The following WDR70 variants were observed in gnomAD, a reference collection of about 807,000 sequenced individuals.
WDR70 encodes WD repeat domain 70, also known as WD repeat-containing protein 70.
WDR70 carries 53 observed loss-of-function variants against 88.6 expected under a neutral mutation model. The ratio of observed to expected loss-of-function variants is 0.60; its 90% confidence interval spans 0.48 to 0.75. The LOEUF (loss-of-function observed/expected upper bound fraction) is 0.75, where lower values mean the gene tolerates loss of function less well. WDR70 is among the 30% of genes least tolerant of loss of function. The pLI, the probability that WDR70 is intolerant of heterozygous loss-of-function variation, is 0.00. For missense variants in WDR70, 610 were observed against 823.2 expected (o/e 0.74, Z 3.17); for synonymous variants, 280 against 270.0 (o/e 1.04, Z -0.36).
rs556703483 is a variant in WDR70, at chr5:37,391,932, C to T, written c.176-68C>T. On this transcript the variant is annotated intron_variant, in intron 3 of 17. Transcript: ENST00000265107. Reference sequence around the variant, plus strand: ...GTGACTATGTTAATTTTTAGCCTTTCTAATACTAACATATTTTGAATTGTA... The same window carrying T: ...GTGACTATGTTAATTTTTAGCCTTTTTAATACTAACATATTTTGAATTGTA... The T allele has an allele frequency of 4.6e-5, 70 of 1,519,020 alleles. No individual in the cohort carries two copies. The South Asian group carries it at 6.0e-4, about 13-fold the overall frequency. 94.1% of individuals were successfully genotyped at this position (1,519,020 alleles called of 1,614,324 possible). A position where few individuals can be genotyped will look rare whatever the true frequency, so the allele number is the denominator to read the frequency against.
At chr5:37,730,665 A>C (rs1748120336) in intron 17 of WDR70, among the ~76,000 whole-genome samples, 1 of 152,210 alleles carries the variant, frequency 6.6e-6, no homozygotes, top group African/African-American at 2.4e-5. Flanking sequence ...ATAGACTTAC[A>C]GACGTGTATT....
At chr5:37,425,668 CT>C (rs1165274599) in intron 5 of WDR70, among the ~76,000 whole-genome samples, 1 of 151,802 alleles carries the variant, frequency 6.6e-6, no homozygotes, top group Non-Finnish European at 1.5e-5. Context: ...TGTTTTTTTT[CT>C]TTTTTCCCCC....
intron 5 of WDR70, among the ~76,000 whole-genome samples, chr5:37,411,428 AAT>A (rs1749518157): frequency 6.6e-6 from 1 of 152,190 alleles, no homozygotes; most frequent in Non-Finnish European, 1.5e-5. Context: ...ACTGTTTACA[AAT>A]GATTTTTTTT....
intron 17 of WDR70, among the ~76,000 whole-genome samples, chr5:37,738,917 G>A (rs947227199): frequency 6.6e-6 from 1 of 152,166 alleles, no homozygotes; most frequent in African/African-American, 2.4e-5. Flanking sequence ...CAAATGCAGA[G>A]TTACCGAAGC....
rs1430057120 is a variant in WDR70, at chr5:37,626,377, G to C, written c.1092+21139G>C. Among the ~76,000 whole-genome samples the C allele has an allele frequency of 1.3e-5, 2 of 152,052 alleles. 1 individual carries two copies. The highest frequency in any genetic ancestry group is 2.9e-5 in the Non-Finnish European group (2 of 68,006). On this transcript the variant is annotated intron_variant, in intron 10 of 17. Transcript: ENST00000265107. ...CTACATCTATTGAGATCATCTTGTG[G>C]TTTTCATCCTTCTTTCTGTTGATGT...
At chr5:37,381,737 T>G in intron 3 of WDR70, 52 bp downstream of exon 3, 1 of 1,543,130 alleles carries the variant, frequency 6.5e-7, no homozygotes, top group Non-Finnish European at 8.9e-7. Flanking sequence ...TATGTATACC[T>G]CATGCAAGTA....
intron 10 of WDR70, among the ~76,000 whole-genome samples, chr5:37,630,963 G>C (rs1181077102): frequency 1.3e-5 from 2 of 152,324 alleles, no homozygotes; most frequent in East Asian, 3.9e-4. Flanking sequence ...GGATTCTTCT[G>C]TTTGAAGGAC....
chr5:37,564,094 C>CAG (rs1742652972), intron 9 of WDR70, among the ~76,000 whole-genome samples: 1 of 150,192 alleles, frequency 6.7e-6, no homozygotes, highest in Admixed American at 6.6e-5. Context: ...GGCGGCCAGG[C>CAG]AGAGACGCTC....
intron 10 of WDR70, among the ~76,000 whole-genome samples, chr5:37,680,324 A>G (rs1198115738): frequency 6.6e-6 from 1 of 152,102 alleles, no homozygotes; most frequent in Non-Finnish European, 1.5e-5. Flanking sequence ...ATAGATTGTA[A>G]AACATTTCTC....
At chr5:37,503,451 GT>G (rs1019058452) in intron 8 of WDR70, among the ~76,000 whole-genome samples, 26 of 152,100 alleles carry the variant, frequency 1.7e-4, no homozygotes, top group African/African-American at 6.3e-4. Flanking sequence ...CCCAGTTTGT[GT>G]TCTTCCCCTC....
intron 9 of WDR70, among the ~76,000 whole-genome samples, chr5:37,531,469 T>A (rs183239050): frequency 5.3e-5 from 8 of 152,238 alleles, no homozygotes; most frequent in African/African-American, 1.4e-4. Context: ...GTTAGATATA[T>A]GCATACATAC....
chr5:37,477,868 A>G (rs1265681752), intron 7 of WDR70, among the ~76,000 whole-genome samples: 3 of 152,178 alleles, frequency 2.0e-5, no homozygotes, highest in Non-Finnish European at 4.4e-5. Flanking sequence ...GATTGAGTTA[A>G]TGTGATATTT....
At chr5:37,597,885 G>C (rs979794798) in intron 9 of WDR70, among the ~76,000 whole-genome samples, 1 of 152,198 alleles carries the variant, frequency 6.6e-6, no homozygotes, top group African/African-American at 2.4e-5. Context: ...TATATTTAGG[G>C]ATTGTATTTA....
chr5:37,545,970 A>T (rs951848423), intron 9 of WDR70, among the ~76,000 whole-genome samples: 1 of 152,210 alleles, frequency 6.6e-6, no homozygotes, highest in African/African-American at 2.4e-5. Flanking sequence ...AAAAAGTATA[A>T]TGTGATTTTT....
intron 9 of WDR70, among the ~76,000 whole-genome samples, chr5:37,530,531 G>A (rs893968991): frequency 6.6e-6 from 1 of 151,876 alleles, no homozygotes; most frequent in Admixed American, 6.6e-5. Flanking sequence ...TTTAATCTGG[G>A]AGGGTTATAT....
chr5:37,714,803 T>C (rs1747611965), intron 13 of WDR70, among the ~76,000 whole-genome samples: 1 of 152,242 alleles, frequency 6.6e-6, no homozygotes, highest in African/African-American at 2.4e-5. Flanking sequence ...TCTTTACTTA[T>C]GCCTTCTTTG....
intron 5 of WDR70, among the ~76,000 whole-genome samples, chr5:37,410,978 A>T (rs998491200): frequency 6.6e-6 from 1 of 152,228 alleles, no homozygotes; most frequent in African/African-American, 2.4e-5. Flanking sequence ...AAATTTATAG[A>T]TTAAAACTTT....
In WDR70 at chr5:37,479,916, G is replaced by T; in HGVS notation, c.769G>T (p.Asp257Tyr). The T allele has an allele frequency of 6.2e-7, 1 of 1,614,134 alleles. No homozygotes were observed. Among genetic ancestry groups the T allele is most frequent in the South Asian group, 1.1e-5 (1 of 91,078 alleles). The change falls in exon 8 of 18, where the codon GAC becomes TAC. Residue 257 changes from aspartate (D) to tyrosine (Y), a missense_variant. Asp to Tyr is a radical substitution (Grantham distance 160). This residue lies in a region of WDR70 where 83 missense variants were observed against 155.3 expected (regional missense o/e 0.53). Transcript: ENST00000265107. ...VSGSSQAKVI[D>Y]RDGFEVMECI... The stretch of plus-strand genomic sequence containing the variant: ...TGGAAGCTCTCAGGCCAAGGTGATT[G>T]ACAGAGATGGTTTTGAAGTAATGGA...
At chr5:37,430,896 C>T (rs1464533334) in intron 5 of WDR70, among the ~76,000 whole-genome samples, 1 of 151,982 alleles carries the variant, frequency 6.6e-6, no homozygotes, top group Non-Finnish European at 1.5e-5. Context: ...TTCTATCGTC[C>T]AGGTTGGAGT....
Sources: gnomAD v4.1 joint callset for allele counts (sites outside exome capture counted in the v4.1 genomes callset) on GRCh38, gnomAD v4.1.1 for gene constraint, gnomAD v4.1.1 regional missense constraint, MANE v1.5 for transcripts, NCBI Gene and HGNC (gene_info 2026-07-23, HGNC 2026-07-21) for gene names.